The following SLCO2A1 variants were observed in gnomAD, a reference collection of about 807,000 sequenced individuals.
SLCO2A1 encodes the protein solute carrier organic anion transporter family member 2A1.
A neutral mutation model predicts 71.7 loss-of-function variants in SLCO2A1; 60 were observed. The ratio of observed to expected loss-of-function variants is 0.84; its 90% confidence interval spans 0.68 to 1.04. The LOEUF (loss-of-function observed/expected upper bound fraction) is 1.04. SLCO2A1 is among the 50% of genes least tolerant of loss of function. The pLI is 0.00. For synonymous variants in SLCO2A1, 308 were observed against 326.7 expected (o/e 0.94, Z 0.62); for missense variants, 745 against 813.4 (o/e 0.92, Z 1.02).
At chr3:133,950,166 G>A (rs1210414826) in intron 6 of SLCO2A1, among the ~76,000 whole-genome samples, 1 of 152,026 alleles carries the variant, frequency 6.6e-6, no homozygotes, top group Non-Finnish European at 1.5e-5. Context: ...TGGTTTATAA[G>A]TAGCAGAGCT....
In SLCO2A1 at chr3:134,029,873, G is replaced by C. The variant is rs1935788513; in HGVS notation, c.-71C>G. ...GCCTCGGGCTGGAGCGGCCGGGCGG[G>C]TGAGAGGCGACCGCGGCGGCAGTGG... On this transcript the variant is annotated 5_prime_UTR_variant, in exon 1 of 14. Coordinates refer to ENST00000310926, the MANE Select transcript of SLCO2A1 (RefSeq NM_005630.3). The C allele has an allele frequency of 5.7e-6, 5 of 872,504 alleles. No homozygotes were observed. In the Admixed American group the frequency reaches 2.2e-4, roughly 39 times the overall value. 54.0% of individuals were successfully genotyped at this position (872,504 alleles called of 1,614,324 possible).
intron 1 of SLCO2A1, among the ~76,000 whole-genome samples, chr3:133,993,378 T>G (rs1356895686): frequency 6.6e-6 from 1 of 152,190 alleles, no homozygotes; most frequent in African/African-American, 2.4e-5. Context: ...TGTGGATAGC[T>G]GGAGTGGTGA....
chr3:133,970,288 G>A (rs1704207402), intron 3 of SLCO2A1, among the ~76,000 whole-genome samples: 1 of 151,916 alleles, frequency 6.6e-6, no homozygotes, highest in South Asian at 2.1e-4. Context: ...ACTCAGGGAT[G>A]AACTGAAACT....
chr3:133,954,153 CTTTTTTTTTTTT>C (rs60871049), intron 4 of SLCO2A1, among the ~76,000 whole-genome samples: 1 of 60,918 alleles, frequency 1.6e-5, no homozygotes, highest in Admixed American at 2.3e-4. Flanking sequence ...GTGGTGTGTT[CTTTTTTTTTTTT>C]TTTTTTTTTT....
chr3:133,936,361 T>C (rs1933270853), intron 12 of SLCO2A1, among the ~76,000 whole-genome samples: 1 of 152,176 alleles, frequency 6.6e-6, no homozygotes, highest in Non-Finnish European at 1.5e-5. Context: ...AGGCCAGACT[T>C]GGAACCCTGG....
At chr3:133,935,096 G>C (rs1180079389) in intron 13 of SLCO2A1, among the ~76,000 whole-genome samples, 1 of 152,170 alleles carries the variant, frequency 6.6e-6, no homozygotes, top group Non-Finnish European at 1.5e-5. Context: ...AGGTGACCCA[G>C]CTGCCCCAGC....
intron 1 of SLCO2A1, among the ~76,000 whole-genome samples, chr3:133,992,527 G>A (rs1315643617): frequency 2.0e-5 from 3 of 152,228 alleles, no homozygotes; most frequent in Non-Finnish European, 4.4e-5. Flanking sequence ...CTGGAACTGT[G>A]GCCCAAAGTG....
intron 1 of SLCO2A1, among the ~76,000 whole-genome samples, chr3:133,984,379 G>C (rs1472529826): frequency 6.6e-6 from 1 of 152,172 alleles, no homozygotes; most frequent in Non-Finnish European, 1.5e-5. Flanking sequence ...GTGCCTCATG[G>C]GGGCCCTGGC....
chr3:133,960,440 T>C (rs1161444714), intron 3 of SLCO2A1, among the ~76,000 whole-genome samples: 1 of 152,138 alleles, frequency 6.6e-6, no homozygotes, highest in Non-Finnish European at 1.5e-5. Context: ...CTAAGTGAAA[T>C]ATGCCAGACA....
intron 3 of SLCO2A1, among the ~76,000 whole-genome samples, chr3:133,967,933 C>T (rs1355151333): frequency 9.3e-6 from 1 of 107,526 alleles, no homozygotes; most frequent in African/African-American, 3.7e-5. Context: ...CCATACCCCC[C>T]ACACATGTGA....
chr3:134,007,284 T>G (rs562977722), intron 1 of SLCO2A1, among the ~76,000 whole-genome samples: 1 of 152,256 alleles, frequency 6.6e-6, no homozygotes, highest in Non-Finnish European at 1.5e-5. Flanking sequence ...CTCATTCTCT[T>G]GATTGTGTCA....
chr3:133,975,542 C>T (rs1304534336), intron 2 of SLCO2A1, among the ~76,000 whole-genome samples: 1 of 152,154 alleles, frequency 6.6e-6, no homozygotes, highest in Non-Finnish European at 1.5e-5. Flanking sequence ...ACCATGTTCC[C>T]TCAGCTCAAA....
rs543597861 is a variant in SLCO2A1 at position 133,933,757 on chromosome 3, G to A, written c.*956C>T. ...TCTGCCTCTCTACTCCTCGGAATAC[G>A]GGCTGAAGTCCAGACAGGGAAGTGC... is the stretch of plus-strand genomic sequence containing the variant. On this transcript the variant is annotated 3_prime_UTR_variant, in exon 14 of 14. Transcript: ENST00000310926. 6.6e-5 allele frequency: 10 copies of A among 152,272 alleles called. No individual in the cohort carries two copies. The highest frequency in any genetic ancestry group is 4.6e-4 in the Admixed American group (7 of 15,294). 9.4% of individuals were successfully genotyped at this position (152,272 alleles called of 1,614,324 possible).
chr3:133,988,566 G>A (rs1376463579), intron 1 of SLCO2A1, among the ~76,000 whole-genome samples: 1 of 152,204 alleles, frequency 6.6e-6, no homozygotes, highest in Non-Finnish European at 1.5e-5. Flanking sequence ...TGTGTCACAG[G>A]CCATGGTCAC....
Position 133,992,283 on chromosome 3 carries a change from G to A in SLCO2A1, c.97-12665C>T, listed in dbSNP as rs546906666. On this transcript the variant is annotated intron_variant, in intron 1 of 13. Transcript: ENST00000310926. ...CCTTTGATAAGACAGGCTCCTGGGG[G>A]CCCTTGAAAGGACAAAGGTCAGGAC... Among the ~76,000 whole-genome samples the A allele has an allele frequency of 6.5e-4, 99 of 152,306 alleles. 1 individual carries two copies. Among genetic ancestry groups the A allele is most frequent in the African/African-American group, 2.3e-3 (94 of 41,572 alleles).
intron 1 of SLCO2A1, among the ~76,000 whole-genome samples, chr3:134,021,461 C>T (rs144928835): frequency 1.5e-3 from 224 of 152,268 alleles, no homozygotes; most frequent in African/African-American, 4.9e-3. Context: ...AGACCAGTTC[C>T]TGTACATAGA....
chr3:134,008,832 C>T (rs1337216434), intron 1 of SLCO2A1, among the ~76,000 whole-genome samples: 2 of 152,206 alleles, frequency 1.3e-5, no homozygotes, highest in African/African-American at 2.4e-5. Context: ...CACATTCTTG[C>T]CTCCCTTTAA....
At chr3:133,968,010 C>T (rs1349521307) in intron 3 of SLCO2A1, among the ~76,000 whole-genome samples, 1 of 130,474 alleles carries the variant, frequency 7.7e-6, no homozygotes, top group Non-Finnish European at 1.6e-5. Flanking sequence ...CACACACTTC[C>T]CCATCACAGG....
At chr3:133,983,920 G>A (rs1045944306) in intron 1 of SLCO2A1, among the ~76,000 whole-genome samples, 1 of 152,190 alleles carries the variant, frequency 6.6e-6, no homozygotes, top group African/African-American at 2.4e-5. Flanking sequence ...CCGATTCAAC[G>A]TGAAAGAAGA....
Sources: gnomAD v4.1 joint callset for allele counts (sites outside exome capture counted in the v4.1 genomes callset) on GRCh38, gnomAD v4.1.1 for gene constraint, MANE v1.5 for transcripts, NCBI Gene and HGNC (gene_info 2026-07-23, HGNC 2026-07-21) for gene names.